Variants in CD4 observed in about 807,000 individuals in gnomAD.
CD4 encodes the protein CD4 molecule, also known as T-cell surface glycoprotein CD4.
A neutral mutation model predicts 50.5 loss-of-function variants in CD4; 25 were observed. That is an observed-to-expected ratio of 0.49 (90% CI 0.36 to 0.69). The LOEUF (loss-of-function observed/expected upper bound fraction) is 0.69, where lower values mean the gene tolerates loss of function less well. Ranked by LOEUF, CD4 falls within the 30% of genes least tolerant of loss-of-function variation. CD4 has a pLI of 0.00. For missense variants in CD4, 456 were observed against 548.5 expected (o/e 0.83, Z 1.68); for synonymous variants, 207 against 221.9 (o/e 0.93, Z 0.60).
chr12:6,818,475 G>T lies in CD4; in HGVS notation c.1211G>T (p.Gly404Val). ...VQPMALIVLG[G>V]VAGLLLFIGL... The stretch of plus-strand genomic sequence containing the variant: ...CCAATGGCCCTGATTGTGCTGGGGG[G>T]CGTCGCCGGCCTCCTGCTTTTCATT... Residue 404 changes from glycine (G) to valine (V), a missense_variant, in exon 8 of 10, where the codon GGC becomes GTC. By Grantham distance (109) the Gly-to-Val change is moderately radical. Coordinates refer to ENST00000011653, the MANE Select transcript of CD4 (RefSeq NM_000616.5). The surrounding 1 kb of genome is among the most constrained non-coding windows in gnomAD (Gnocchi z 5.0). 1 of 1,612,984 alleles carries T rather than the reference G, an allele frequency of 6.2e-7. No homozygotes were observed. The highest frequency in any genetic ancestry group is 8.5e-7 in the Non-Finnish European group (1 of 1,180,018).
At chr12:6,804,368 C>T (rs868956290) in intron 3 of CD4, among the ~76,000 whole-genome samples, 1 of 152,024 alleles carries the variant, frequency 6.6e-6, no homozygotes, top group Non-Finnish European at 1.5e-5. Context: ...AAAAGGAAAA[C>T]TGATCAGAAA....
intron 1 of CD4, among the ~76,000 whole-genome samples, chr12:6,798,435 A>G (rs187586284): frequency 5.9e-5 from 5 of 84,410 alleles, no homozygotes; most frequent in East Asian, 3.9e-4. Context: ...GCCTCCCAAA[A>G]TGCTGGGATT....
intron 1 of CD4, among the ~76,000 whole-genome samples, chr12:6,794,777 TTTTTTTTTG>T (rs1942315038): frequency 1.5e-5 from 2 of 131,156 alleles, no homozygotes; most frequent in African/African-American, 2.9e-5. Flanking sequence ...GTATGTCTGT[TTTTTTTTTG>T]TTTTTTTTTT....
At chr12:6,791,346 G>A (rs1384366704) in intron 1 of CD4, among the ~76,000 whole-genome samples, 3 of 152,176 alleles carry the variant, frequency 2.0e-5, no homozygotes, top group Admixed American at 1.3e-4. Flanking sequence ...GGGTTCAAGC[G>A]ATTCTCCTGC....
Position 6,816,411 on chromosome 12 carries a change from G to T in CD4, c.955+8G>T. 6.2e-7 allele frequency: 1 copy of T among 1,602,990 alleles called. No homozygotes were observed. Among genetic ancestry groups the T allele is most frequent in the Non-Finnish European group, 8.5e-7 (1 of 1,172,558 alleles). The stretch of plus-strand genomic sequence containing the variant: ...ACCTGGTGGTGATGAGAGGTGAGGG[G>T]CCAGGCCAGGGAGGGGTGGGCAGGG... On this transcript the variant is annotated splice_region_variant and intron_variant, in intron 6 of 9. Coordinates refer to ENST00000011653, the MANE Select transcript of CD4 (RefSeq NM_000616.5). The surrounding 1 kb of genome is among the most constrained non-coding windows in gnomAD (Gnocchi z 4.9).
intron 3 of CD4, among the ~76,000 whole-genome samples, chr12:6,802,768 G>A (rs782249996): frequency 2.6e-5 from 4 of 151,820 alleles, no homozygotes; most frequent in South Asian, 4.2e-4. Context: ...ACGGAGTCTC[G>A]GTCTGTCACC....
At chr12:6,812,052 C>T (rs1339418136) in intron 3 of CD4, among the ~76,000 whole-genome samples, 2 of 152,086 alleles carry the variant, frequency 1.3e-5, no homozygotes, top group East Asian at 3.9e-4. Flanking sequence ...TCCTGACGGG[C>T]TGCATTTTAA....
intron 1 of CD4, among the ~76,000 whole-genome samples, chr12:6,791,160 G>A (rs1942146766): frequency 6.6e-6 from 1 of 152,258 alleles, no homozygotes; most frequent in African/African-American, 2.4e-5. Context: ...AGAGCTTGGG[G>A]GCAGCCCTAG....
intron 1 of CD4, among the ~76,000 whole-genome samples, chr12:6,798,505 C>T (rs1166853605): frequency 6.6e-6 from 1 of 152,086 alleles, no homozygotes; most frequent in Non-Finnish European, 1.5e-5. Flanking sequence ...ATCCATTAAA[C>T]CTTGATTCAA....
chr12:6,812,767 ATT>A (rs72287133), intron 3 of CD4, among the ~76,000 whole-genome samples: 4,365 of 144,416 alleles, frequency 0.03, 182 homozygotes, highest in African/African-American at 0.099. Context: ...AACCAAGGTT[ATT>A]TTTGTGTGTG....
At chr12:6,806,545 CT>C (rs1437536556) in intron 3 of CD4, among the ~76,000 whole-genome samples, 2 of 152,128 alleles carry the variant, frequency 1.3e-5, no homozygotes, top group African/African-American at 2.4e-5. Context: ...AATCCACATA[CT>C]TAGCAAAGGA....
chr12:6,792,992 G>A lies in CD4; in HGVS notation c.-68+3330G>A, dbSNP rs1406110420. Among the ~76,000 whole-genome samples the A allele has an allele frequency of 6.6e-6, 1 of 151,990 alleles. No homozygotes were observed. Among genetic ancestry groups the A allele is most frequent in the Non-Finnish European group, 1.5e-5 (1 of 67,960 alleles). ...GAGAGACAGAAAGAGAGAGAGAGAC[G>A]TGCCAGGGCTTGAGGGACCAGAGAG... On this transcript the variant is annotated intron_variant, in intron 1 of 9. Transcript: ENST00000011653. This position sits in a 1 kb window ranked among gnomAD's most constrained non-coding sequence, Gnocchi z 4.1.
chr12:6,808,356 G>A (rs2137892534), intron 3 of CD4, among the ~76,000 whole-genome samples: 1 of 93,654 alleles, frequency 1.1e-5, no homozygotes, highest in South Asian at 4.3e-4. Flanking sequence ...GGAGGCTGAG[G>A]CAGGAGAATC....
At chr12:6,797,409 G>A (rs1055778535) in intron 1 of CD4, among the ~76,000 whole-genome samples, 2 of 152,120 alleles carry the variant, frequency 1.3e-5, no homozygotes, top group African/African-American at 2.4e-5. Flanking sequence ...TCTCTGAAGG[G>A]GGCCTGCCCC....
In CD4 at chr12:6,819,416, TC is replaced by T. The variant is rs113726594; in HGVS notation, c.*91del. ...CTGCGGACCAGATGAATGTAGCAGA[TC>T]CCCAGCCTCTGGCCTCCTGTTCGCC... On this transcript the variant is annotated 3_prime_UTR_variant, in exon 10 of 10. Transcript: ENST00000011653. The T allele has an allele frequency of 3.8e-6, 5 of 1,304,780 alleles. No homozygotes were observed. The highest frequency in any genetic ancestry group is 4.4e-6 in the Non-Finnish European group (4 of 899,362). The allele number at this position is 1,304,780 out of a possible 1,614,324, so 80.8% of individuals were successfully genotyped here. A position where few individuals can be genotyped will look rare whatever the true frequency, so the allele number is the denominator to read the frequency against.
intron 1 of CD4, among the ~76,000 whole-genome samples, chr12:6,797,604 C>T (rs755908349): frequency 3.3e-5 from 5 of 152,002 alleles, no homozygotes; most frequent in Non-Finnish European, 5.9e-5. Flanking sequence ...ACTATCTCCG[C>T]GAGGGGAATG....
In CD4 at chr12:6,792,275, C is replaced by T. The variant is rs954679748; in HGVS notation, c.-68+2613C>T. Among the ~76,000 whole-genome samples, 1 of 152,086 alleles carries T rather than the reference C, an allele frequency of 6.6e-6. No individual in the cohort carries two copies. The highest frequency in any genetic ancestry group is 1.5e-5 in the Non-Finnish European group (1 of 68,012). On this transcript the variant is annotated intron_variant, in intron 1 of 9. Coordinates refer to ENST00000011653, the MANE Select transcript of CD4 (RefSeq NM_000616.5). The surrounding 1 kb of genome is among the most constrained non-coding windows in gnomAD (Gnocchi z 4.1). ...CCCTCCCAAGCCTCGCCCCTCATCCCATCCCTGGGGGCCAGGGGTGAGGGC... is the reference window on the plus strand; with the variant it reads ...CCCTCCCAAGCCTCGCCCCTCATCCTATCCCTGGGGGCCAGGGGTGAGGGC...
chr12:6,802,628 C>T (rs985733927), intron 3 of CD4, among the ~76,000 whole-genome samples: 6 of 151,760 alleles, frequency 4.0e-5, no homozygotes, highest in African/African-American at 9.7e-5. Context: ...CACTGTTGTT[C>T]GGCGTGGAGA....
Position 6,800,162 on chromosome 12 carries a change from G to A in CD4, c.24G>A (p.Arg8=). The change falls in exon 2 of 10, where the codon AGG becomes AGA. Residue 8 remains arginine, a synonymous_variant. Coordinates refer to ENST00000011653, the MANE Select transcript of CD4 (RefSeq NM_000616.5). ...CAATGAACCGGGGAGTCCCTTTTAG[G>A]CACTTGCTTCTGGTGCTGCAACTGG... MNRGVPF[R]HLLLVLQLAL... is the part of the protein sequence containing the mutation. The A allele has an allele frequency of 6.2e-7, 1 of 1,614,062 alleles. No individual in the cohort carries two copies. The highest frequency in any genetic ancestry group is 8.5e-7 in the Non-Finnish European group (1 of 1,180,010).
Sources: allele counts gnomAD v4.1 joint callset (sites outside exome capture counted in the v4.1 genomes callset), GRCh38; gene constraint gnomAD v4.1.1; non-coding constraint Gnocchi (gnomAD v3.1); transcripts MANE v1.5; gene names NCBI Gene and HGNC (gene_info 2026-07-23, HGNC 2026-07-21).